VAV3: variants seen among roughly 807,000 people sequenced by gnomAD.
VAV3 encodes the protein vav guanine nucleotide exchange factor 3, also known as guanine nucleotide exchange factor VAV3.
A neutral mutation model predicts 131.2 loss-of-function variants in VAV3; 94 were observed. That is an observed-to-expected ratio of 0.72 (90% confidence interval 0.61 to 0.85). The LOEUF (loss-of-function observed/expected upper bound fraction) is 0.85. VAV3 is among the 40% of genes least tolerant of loss of function. The pLI, the probability that VAV3 is intolerant of heterozygous loss-of-function variation, is 0.00. For missense variants in VAV3, 939 were observed against 1,002.7 expected (o/e 0.94, Z 0.86); for synonymous variants, 349 against 342.0 (o/e 1.02, Z -0.22).
At chr1:107,604,349 A>G (rs1176288341) in intron 22 of VAV3, among the ~76,000 whole-genome samples, 1 of 152,194 alleles carries the variant, frequency 6.6e-6, no homozygotes, top group East Asian at 1.9e-4. Context: ...TCCATCTAGT[A>G]TAAAAGAGGA....
chr1:107,681,861 C>T (rs945470832), intron 19 of VAV3, among the ~76,000 whole-genome samples: 6 of 151,990 alleles, frequency 3.9e-5, no homozygotes, highest in South Asian at 2.1e-4. Flanking sequence ...GGGGTTTCAC[C>T]GTGTTAGCCA....
chr1:107,926,436 T>C (rs920453740), intron 1 of VAV3, among the ~76,000 whole-genome samples: 1 of 152,144 alleles, frequency 6.6e-6, no homozygotes, highest in Non-Finnish European at 1.5e-5. Context: ...AAGACACCAA[T>C]TTAACAACTA....
intron 17 of VAV3, among the ~76,000 whole-genome samples, chr1:107,702,429 C>A (rs1022657963): frequency 3.9e-5 from 6 of 152,076 alleles, no homozygotes. Context: ...CCAATACTTA[C>A]AAAGGGTAAG....
At chr1:107,799,952 T>C (rs1044049334) in intron 2 of VAV3, among the ~76,000 whole-genome samples, 37 of 152,206 alleles carry the variant, frequency 2.4e-4, no homozygotes, top group African/African-American at 8.7e-4. Context: ...AATATTTGAT[T>C]TTCTGTGCTT....
chr1:107,615,014 A>G (rs1172283073), intron 21 of VAV3, among the ~76,000 whole-genome samples: 1 of 152,194 alleles, frequency 6.6e-6, no homozygotes, highest in East Asian at 1.9e-4. Context: ...TACAAAGTCC[A>G]AAAACTAGAT....
chr1:107,950,974 C>A (rs1023455538), intron 1 of VAV3, among the ~76,000 whole-genome samples: 1 of 152,148 alleles, frequency 6.6e-6, no homozygotes, highest in Non-Finnish European at 1.5e-5. Flanking sequence ...CCTGAACTTT[C>A]AAGATATTCA....
chr1:107,689,574 T>C lies in VAV3; in HGVS notation c.1706-1168A>G, dbSNP rs546840526. On this transcript the variant is annotated intron_variant, in intron 17 of 26. Transcript: ENST00000370056. ...CTGATTAATGGAAATGGAAGATCCA[T>C]GGGCAGAAAGTCACCTTCAGAAGAA... 2.0e-5 allele frequency among the ~76,000 whole-genome samples: 3 copies of C among 152,144 alleles called. No individual in the cohort carries two copies. In the East Asian group the frequency reaches 5.8e-4, roughly 29 times the overall value.
chr1:107,782,775 C>T (rs1373960852), intron 2 of VAV3, among the ~76,000 whole-genome samples: 1 of 152,224 alleles, frequency 6.6e-6, no homozygotes, highest in Non-Finnish European at 1.5e-5. Context: ...GACAAGTATA[C>T]AAACTAATGC....
chr1:107,681,710 G>A (rs1272363097), intron 19 of VAV3, among the ~76,000 whole-genome samples: 4 of 150,374 alleles, frequency 2.7e-5, no homozygotes, highest in Non-Finnish European at 4.4e-5. Context: ...CTGGAGTGCA[G>A]TGGCGCGATC....
chr1:107,580,107 A>G (rs1019783706), intron 25 of VAV3, among the ~76,000 whole-genome samples: 1 of 152,252 alleles, frequency 6.6e-6, no homozygotes, highest in South Asian at 2.1e-4. Flanking sequence ...TGTATCCCCA[A>G]TTAGACAGCG....
At position 107,862,399 on chromosome 1, in the gene VAV3, G is replaced by T. The variant is rs190162942; in HGVS notation, c.321+12502C>A. On this transcript the variant is annotated intron_variant, in intron 2 of 26. Coordinates refer to ENST00000370056, the MANE Select transcript of VAV3 (RefSeq NM_006113.5). ...CAGCCTCCTTTATTCCTACAGATGT[G>T]CATAAGCCATTAAAAAAAAGAAGAC... Among the ~76,000 whole-genome samples, 26 of 151,200 alleles carry T rather than the reference G, an allele frequency of 1.7e-4. 2 individuals carry two copies. Among genetic ancestry groups the T allele is most frequent in the Admixed American group, 3.3e-4 (5 of 15,106 alleles).
chr1:107,635,946 A>T (rs1654900320), intron 20 of VAV3, among the ~76,000 whole-genome samples: 1 of 152,174 alleles, frequency 6.6e-6, no homozygotes, highest in Non-Finnish European at 1.5e-5. Context: ...CTCATCTATA[A>T]ATTGAGGATA....
chr1:107,779,868 G>A (rs1209101950), intron 2 of VAV3, among the ~76,000 whole-genome samples: 2 of 152,034 alleles, frequency 1.3e-5, no homozygotes, highest in African/African-American at 2.4e-5. Context: ...GCCACATGAG[G>A]CTATTTAAAT....
chr1:107,814,049 T>C (rs942014842), intron 2 of VAV3, among the ~76,000 whole-genome samples: 8 of 151,736 alleles, frequency 5.3e-5, no homozygotes, highest in Admixed American at 5.3e-4. Context: ...CATTTATCTG[T>C]TGACAGGTAA....
At chr1:107,747,018 G>A (rs987424263) in intron 15 of VAV3, among the ~76,000 whole-genome samples, 8 of 151,854 alleles carry the variant, frequency 5.3e-5, no homozygotes, top group Non-Finnish European at 1.0e-4. Context: ...TAGCTGGGAC[G>A]ACAGGCATGT....
intron 1 of VAV3, among the ~76,000 whole-genome samples, chr1:107,877,144 A>C (rs891399394): frequency 2.0e-4 from 31 of 152,234 alleles, no homozygotes; most frequent in Non-Finnish European, 4.0e-4. Context: ...GGCAGCAGGT[A>C]ATCAGCACAT....
At chr1:107,676,296 T>C (rs991090564) in intron 19 of VAV3, among the ~76,000 whole-genome samples, 2 of 152,174 alleles carry the variant, frequency 1.3e-5, no homozygotes, top group African/African-American at 4.8e-5. Flanking sequence ...GAAGAGCACA[T>C]GGTCTAGGCT....
intron 2 of VAV3, among the ~76,000 whole-genome samples, chr1:107,796,531 T>C (rs1666554297): frequency 6.6e-6 from 1 of 152,134 alleles, no homozygotes. Flanking sequence ...AGGCACTATA[T>C]TTTTTCCTAC....
rs552945881 is a variant in VAV3, at chr1:107,755,349, T to C, written c.1173+78A>G. The C allele has an allele frequency of 3.6e-6, 4 of 1,104,864 alleles. No homozygotes were observed. The East Asian group carries it at 7.3e-5, about 20-fold the overall frequency. The allele number at this position is 1,104,864 out of a possible 1,614,324, so 68.4% of individuals were successfully genotyped here. On this transcript the variant is annotated intron_variant, in intron 12 of 26. Coordinates refer to ENST00000370056, the MANE Select transcript of VAV3 (RefSeq NM_006113.5). ...ACAGTAGAAACTTGAAGGTAAACTA[T>C]GTTTTCTTCAACAACAACTCCTAGA...
Sources: allele counts gnomAD v4.1 joint callset (sites outside exome capture counted in the v4.1 genomes callset), GRCh38; gene constraint gnomAD v4.1.1; transcripts MANE v1.5; gene names NCBI Gene and HGNC (gene_info 2026-07-23, HGNC 2026-07-21).